Variants in POLQ observed in about 807,000 individuals in gnomAD.
POLQ encodes DNA polymerase theta, also known as epididymis secretory sperm binding protein.
Under a neutral mutation model 259.2 loss-of-function variants are expected in POLQ, and 233 were observed. The ratio of observed to expected loss-of-function variants is 0.90; its 90% confidence interval spans 0.81 to 1.00. POLQ has a LOEUF of 1.00. Ranked by LOEUF, POLQ falls within the 50% of genes least tolerant of loss-of-function variation. The pLI is 0.00. For synonymous variants in POLQ, 1,025 were observed against 1,048.8 expected (o/e 0.98, Z 0.44); for missense variants, 2,871 against 3,051.6 (o/e 0.94, Z 1.39).
intron 25 of POLQ, among the ~76,000 whole-genome samples, chr3:121,457,000 T>C (rs2047744601): frequency 6.6e-6 from 1 of 152,152 alleles, no homozygotes; most frequent in Non-Finnish European, 1.5e-5. Context: ...AAGGCTACAG[T>C]AACCAAAACA....
intron 27 of POLQ, among the ~76,000 whole-genome samples, chr3:121,436,837 G>C (rs577061552): frequency 6.6e-6 from 1 of 151,468 alleles, no homozygotes; most frequent in South Asian, 2.1e-4. Context: ...TAGATCCCTG[G>C]GTATTCAGTT....
intron 25 of POLQ, among the ~76,000 whole-genome samples, chr3:121,455,527 A>G (rs2047726858): frequency 2.4e-5 from 2 of 83,838 alleles, no homozygotes; most frequent in Admixed American, 1.2e-4. Context: ...TCAAATAGAC[A>G]CAAAAAAAAA....
chr3:121,473,566 A>G, intron 20 of POLQ, 79 bp from the exon 21 acceptor site: 1 of 1,245,436 alleles, frequency 8.0e-7, no homozygotes, highest in Non-Finnish European at 1.1e-6. Flanking sequence ...AAGTTATTTC[A>G]GAAAACAATC....
intron 4 of POLQ, among the ~76,000 whole-genome samples, chr3:121,537,449 C>A (rs1197087694): frequency 6.6e-6 from 1 of 152,118 alleles, no homozygotes; most frequent in East Asian, 1.9e-4. Context: ...GTTTTTCAAC[C>A]CTTGTTCCCT....
chr3:121,443,844 T>A (rs182332161), intron 26 of POLQ, among the ~76,000 whole-genome samples: 1 of 152,182 alleles, frequency 6.6e-6, no homozygotes, highest in African/African-American at 2.4e-5. Context: ...GAAGAGACTG[T>A]CTTTTCCCCA....
In POLQ at chr3:121,487,523, CT is replaced by C. The variant is rs1560096639; in HGVS notation, c.5407del (p.Ser1803AlafsTer13). On this transcript the variant is annotated frameshift_variant, in exon 16 of 30. Coordinates refer to ENST00000264233, the MANE Select transcript of POLQ (RefSeq NM_199420.4). LOFTEE classifies it high-confidence loss of function. Reference sequence around the variant, plus strand: ...ATCCTGTGATAACTGAAGTGAAAAGCTTGTGTCACTAATAGGGCTGTTGTCT... The same window carrying C: ...ATCCTGTGATAACTGAAGTGAAAAGCTGTGTCACTAATAGGGCTGTTGTCT... ...FKDNSPISDT[S>X]FSLQLSQDGL... 6.2e-7 allele frequency: 1 copy of C among 1,614,052 alleles called. No homozygotes were observed. The highest frequency in any genetic ancestry group is 2.2e-5 in the East Asian group (1 of 44,868).
Position 121,472,136 on chromosome 3 carries a change from T to G in POLQ, c.6572A>C (p.His2191Pro), listed in dbSNP as rs529242149. The change falls in exon 22 of 30, where the codon CAT (histidine) becomes CCT (proline). Residue 2191 changes from histidine (H) to proline (P), a missense_variant. By Grantham distance (77) the His-to-Pro change is moderately conservative. Around this residue, in one of 3 missense-constraint regions of POLQ, gnomAD observed 2,080 missense variants for 2,126.0 expected, o/e 0.98. Coordinates refer to ENST00000264233, the MANE Select transcript of POLQ (RefSeq NM_199420.4). Reference protein sequence around the residue: ...KDVLNKLKALHPLPGLILEWR... With the variant: ...KDVLNKLKALPPLPGLILEWR... ...TTCTAATATCAAGCCTGGTAAAGGATGTAATGCCTTTAATTTATTTAAAAC... is the reference window on the plus strand; with the variant it reads ...TTCTAATATCAAGCCTGGTAAAGGAGGTAATGCCTTTAATTTATTTAAAAC... 4 of 1,525,804 alleles carry G rather than the reference T, an allele frequency of 2.6e-6. No individual in the cohort carries two copies. The Admixed American group carries it at 5.4e-5, about 21-fold the overall frequency. The allele number at this position is 1,525,804 out of a possible 1,614,324, so 94.5% of individuals were successfully genotyped here. A position where few individuals can be genotyped will look rare whatever the true frequency, so the allele number is the denominator to read the frequency against.
chr3:121,453,695 G>A (rs577816887), intron 25 of POLQ, among the ~76,000 whole-genome samples: 1 of 152,230 alleles, frequency 6.6e-6, no homozygotes, highest in South Asian at 2.1e-4. Context: ...AGAGTAAAAA[G>A]AAACGACCAA....
intron 25 of POLQ, among the ~76,000 whole-genome samples, chr3:121,455,654 G>A (rs141923741): frequency 2.6e-5 from 4 of 152,060 alleles, no homozygotes; most frequent in South Asian, 2.1e-4. Context: ...TAAATTCCAC[G>A]ACACACACAC....
At chr3:121,507,684 GC>G (rs1181887393) in intron 12 of POLQ, among the ~76,000 whole-genome samples, 1 of 152,020 alleles carries the variant, frequency 6.6e-6, no homozygotes, top group Non-Finnish European at 1.5e-5. Context: ...CCAAGACTGT[GC>G]CACTGCACTC....
At chr3:121,436,320 G>A in intron 27 of POLQ, 45 bp from the exon 28 acceptor site, 1 of 1,596,856 alleles carries the variant, frequency 6.3e-7, no homozygotes, top group Non-Finnish European at 8.6e-7. Context: ...ATGCCAACAT[G>A]GTTTCATACT....
chr3:121,506,773 C>T (rs962847610), intron 12 of POLQ, among the ~76,000 whole-genome samples: 1 of 152,076 alleles, frequency 6.6e-6, no homozygotes, highest in Non-Finnish European at 1.5e-5. Context: ...AAAGATACAC[C>T]TCCATAAAAA....
At chr3:121,452,985 C>G in intron 25 of POLQ, among the ~76,000 whole-genome samples, 1 of 152,140 alleles carries the variant, frequency 6.6e-6, no homozygotes, top group South Asian at 2.1e-4. Flanking sequence ...CTGGGAGGCA[C>G]CCCCCAGTAG....
chr3:121,487,908 A>C lies in POLQ; in HGVS notation c.5023T>G (p.Leu1675Val). The C allele has an allele frequency of 6.2e-7, 1 of 1,605,856 alleles. No individual in the cohort carries two copies. The highest frequency in any genetic ancestry group is 8.5e-7 in the Non-Finnish European group (1 of 1,176,732). ...FSSLNRKNTE[L>V]NEEQEVISNL... ...GAAATAACTTCTTGTTCTTCATTTA[A>C]CTCTGTATTTTTTCTATTCAAACTG... The change falls in exon 16 of 30, where the codon TTA (leucine) becomes GTA (valine). Residue 1675 changes from leucine (L) to valine (V), a missense_variant. Around this residue, in one of 3 missense-constraint regions of POLQ, gnomAD observed 2,080 missense variants for 2,126.0 expected, o/e 0.98. Transcript: ENST00000264233.
intron 28 of POLQ, among the ~76,000 whole-genome samples, chr3:121,434,556 T>C (rs2047527552): frequency 6.6e-6 from 1 of 152,228 alleles, no homozygotes; most frequent in Admixed American, 6.5e-5. Context: ...TATGTGTGTG[T>C]ATATACACAC....
chr3:121,488,270 T>C lies in POLQ; in HGVS notation c.4661A>G (p.Glu1554Gly), dbSNP rs1243825923. 1.2e-6 allele frequency: 2 copies of C among 1,612,624 alleles called. No homozygotes were observed. The highest frequency in any genetic ancestry group is 4.5e-5 in the East Asian group (2 of 44,860). ...ATCCATTTCTGAAAATATAATAGAT[T>C]CATCATTGGAACAAGTCAACTGCTG... ...THQQLTCSND[E>G]SIIFSEMDSV... The change falls in exon 16 of 30, where the codon GAA (glutamate) becomes GGA (glycine). Residue 1554 changes from glutamate (E) to glycine (G), a missense_variant. Glu to Gly is a moderately conservative substitution (Grantham distance 98). Around this residue, in one of 3 missense-constraint regions of POLQ, gnomAD observed 2,080 missense variants for 2,126.0 expected, o/e 0.98. Coordinates refer to ENST00000264233, the MANE Select transcript of POLQ (RefSeq NM_199420.4).
At chr3:121,453,203 CA>C (rs2047695721) in intron 25 of POLQ, among the ~76,000 whole-genome samples, 2 of 152,162 alleles carry the variant, frequency 1.3e-5, no homozygotes. Context: ...GGAAAACTAA[CA>C]AACAGAAAGG....
intron 9 of POLQ, among the ~76,000 whole-genome samples, chr3:121,517,276 A>C (rs1042034641): frequency 3.9e-5 from 6 of 152,202 alleles, no homozygotes; most frequent in Non-Finnish European, 8.8e-5. Context: ...AAGCATATAC[A>C]TGCAATCTGC....
Position 121,489,202 on chromosome 3 carries a change from A to G in POLQ, c.3729T>C (p.Asn1243=). The part of the protein sequence containing the change: ...VTINCERIKL[N]TEENKPSHFQ... ...AATGACTTGGTTTATTTTCCTCTGT[A>G]TTAAGCTTTATCCTTTCACAATTGA... Residue 1243 remains asparagine, a synonymous_variant, in exon 16 of 30, where the codon AAT becomes AAC. Transcript: ENST00000264233. 6.2e-7 allele frequency: 1 copy of G among 1,612,924 alleles called. No individual in the cohort carries two copies. The highest frequency in any genetic ancestry group is 1.7e-4 in the Middle Eastern group (1 of 6,060).
Sources: allele counts gnomAD v4.1 joint callset (sites outside exome capture counted in the v4.1 genomes callset), GRCh38; gene constraint gnomAD v4.1.1; regional missense constraint gnomAD v4.1.1; transcripts MANE v1.5; gene names NCBI Gene and HGNC (gene_info 2026-07-23, HGNC 2026-07-21).